Variants in CFAP70 observed in about 807,000 individuals in gnomAD.
The protein encoded by CFAP70 is cilia- and flagella-associated protein 70.
CFAP70 carries 81 observed loss-of-function variants against 137.6 expected under a neutral mutation model. The ratio of observed to expected loss-of-function variants is 0.59; its 90% CI spans 0.49 to 0.71. CFAP70 has a LOEUF of 0.71. CFAP70 is among the 30% of genes least tolerant of loss of function. The pLI is 0.00. For synonymous variants in CFAP70, 382 were observed against 423.6 expected, an observed-to-expected ratio of 0.90 and a Z score of 1.20; for missense variants, 976 against 1,226.7, an observed-to-expected ratio of 0.80 and a Z score of 3.05.
intron 12 of CFAP70, among the ~76,000 whole-genome samples, chr10:73,300,999 G>T (rs1051165364): frequency 1.3e-5 from 2 of 152,196 alleles, no homozygotes; most frequent in Non-Finnish European, 2.9e-5. Context: ...GGGAAAGAAA[G>T]ACAATAAATA....
chr10:73,286,923 T>A (rs2047763019), intron 19 of CFAP70, among the ~76,000 whole-genome samples: 1 of 152,220 alleles, frequency 6.6e-6, no homozygotes, highest in African/African-American at 2.4e-5. Flanking sequence ...AACATGTCCT[T>A]AAGGCACAGA....
intron 25 of CFAP70, among the ~76,000 whole-genome samples, chr10:73,265,238 T>C (rs1348545753): frequency 6.7e-6 from 1 of 149,612 alleles, no homozygotes; most frequent in Non-Finnish European, 1.5e-5. Context: ...GGCAGGAGAA[T>C]GGTGAACCTG....
intron 15 of CFAP70, 54 bp from the exon 17 acceptor site, chr10:73,293,442 A>G: frequency 1.4e-6 from 2 of 1,468,622 alleles, no homozygotes; most frequent in African/African-American, 2.9e-5. Flanking sequence ...ACAAGTAGAG[A>G]GGTTTCATAA....
At position 73,299,793 on chromosome 10, in the gene CFAP70, T is replaced by C. The variant is rs543533053; in HGVS notation, c.1257-128A>G. On this transcript the variant is annotated intron_variant, in intron 12 of 26. Transcript: ENST00000310715. ...TCTGAGGTCTGTTCCCCCACTGCAC[T>C]TGAGCACTGTGCTGTTCTCTCATGT... 9 of 626,554 alleles carry C rather than the reference T, an allele frequency of 1.4e-5. No homozygotes were observed. The African/African-American group carries it at 1.7e-4, about 12-fold the overall frequency. 38.8% of individuals were successfully genotyped at this position (626,554 alleles called of 1,614,324 possible). A position where few individuals can be genotyped will look rare whatever the true frequency, so the allele number is the denominator to read the frequency against.
intron 9 of CFAP70, among the ~76,000 whole-genome samples, chr10:73,321,389 G>A (rs1244596832): frequency 2.0e-5 from 3 of 152,146 alleles, no homozygotes; most frequent in Non-Finnish European, 4.4e-5. Flanking sequence ...TTGCACTCCA[G>A]CTTGGGCAAC....
At position 73,291,659 on chromosome 10, in the gene CFAP70, A is replaced by G. The variant is rs538950478; in HGVS notation, c.2001T>C (p.Val667=). The change falls in exon 18 of 27, where the codon GTT becomes GTC. Residue 667 remains valine, a synonymous_variant. Transcript: ENST00000310715. ...ATCTACCAAGTAAAGTCCAGGCTAC[A>G]ACATTAGTTGGTTCCAAGCAAGTAG... is the stretch of plus-strand genomic sequence containing the variant. The G allele has an allele frequency of 1.4e-5, 22 of 1,613,754 alleles. No individual in the cohort carries two copies. In the African/African-American group the frequency reaches 2.9e-4, roughly 22 times the overall value.
intron 9 of CFAP70, among the ~76,000 whole-genome samples, chr10:73,322,721 A>G (rs1164336040): frequency 6.6e-6 from 1 of 152,038 alleles, no homozygotes; most frequent in Non-Finnish European, 1.5e-5. Context: ...GTACCACACA[A>G]TTTGTTTTTC....
chr10:73,299,020 C>T, exon 14 of CFAP70: 2 of 1,613,908 alleles, frequency 1.2e-6, no homozygotes, highest in South Asian at 2.2e-5. Context: ...AGTTTGGCCA[C>T]CTGTTTTCCA....
chr10:73,342,872 C>T (rs919761355), intron 5 of CFAP70, among the ~76,000 whole-genome samples: 6 of 151,726 alleles, frequency 4.0e-5, no homozygotes, highest in Admixed American at 1.3e-4. Flanking sequence ...GTCAGGAGTT[C>T]GAGACCATCC....
chr10:73,287,822 AG>A (rs554702304), intron 19 of CFAP70, among the ~76,000 whole-genome samples: 35 of 152,178 alleles, frequency 2.3e-4, no homozygotes, highest in East Asian at 7.7e-4. Flanking sequence ...AAATATCTCT[AG>A]GGGGGAAAAA....
intron 7 of CFAP70, among the ~76,000 whole-genome samples, chr10:73,334,736 T>C (rs2052467051): frequency 1.3e-5 from 2 of 151,834 alleles, no homozygotes; most frequent in African/African-American, 2.4e-5. Flanking sequence ...AGCACCACCA[T>C]GCCCAGCTAA....
At chr10:73,301,157 A>G (rs2048923581) in intron 12 of CFAP70, among the ~76,000 whole-genome samples, 1 of 152,210 alleles carries the variant, frequency 6.6e-6, no homozygotes, top group African/African-American at 2.4e-5. Context: ...TTAACGTTTG[A>G]GTAAAGACCT....
chr10:73,348,651 C>A, intron 3 of CFAP70, 130 bp from the exon 4 acceptor site: 2 of 608,340 alleles, frequency 3.3e-6, no homozygotes, highest in Non-Finnish European at 2.7e-6. Context: ...CAGAAGGCAC[C>A]AACATCACTG....
intron 23 of CFAP70, among the ~76,000 whole-genome samples, chr10:73,273,986 T>A (rs535667656): frequency 6.6e-6 from 1 of 152,274 alleles, no homozygotes; most frequent in Admixed American, 6.5e-5. Flanking sequence ...TTTCCCAAAA[T>A]ATGGGGAGGG....
chr10:73,280,115 C>A (rs534591081), intron 19 of CFAP70, among the ~76,000 whole-genome samples: 32 of 151,972 alleles, frequency 2.1e-4, no homozygotes, highest in Non-Finnish European at 4.3e-4. Context: ...ATCTTACAAC[C>A]CTGCTTAAAT....
chr10:73,332,597 C>T (rs942714423), intron 7 of CFAP70, among the ~76,000 whole-genome samples: 4 of 152,142 alleles, frequency 2.6e-5, no homozygotes, highest in African/African-American at 9.7e-5. Flanking sequence ...TTCTCCCCGA[C>T]AATTTGCCAC....
intron 10 of CFAP70, 51 bp from the exon 12 acceptor site, chr10:73,311,965 T>C (rs1283150946): frequency 1.5e-6 from 2 of 1,358,334 alleles, no homozygotes; most frequent in Non-Finnish European, 2.1e-6. Context: ...ACAGTCTTCA[T>C]AGTGACAAGA....
chr10:73,335,156 G>A (rs2052525484), intron 7 of CFAP70, among the ~76,000 whole-genome samples: 1 of 146,512 alleles, frequency 6.8e-6, no homozygotes, highest in African/African-American at 2.5e-5. Flanking sequence ...GCCTCCCAAA[G>A]TGCTGGCATT....
chr10:73,287,869 A>ATCTG (rs2047859984), intron 19 of CFAP70, among the ~76,000 whole-genome samples: 1 of 151,644 alleles, frequency 6.6e-6, no homozygotes, highest in African/African-American at 2.4e-5. Context: ...CTATCTATCT[A>ATCTG]TCTATCTATC....
Sources: allele counts gnomAD v4.1 joint callset (sites outside exome capture counted in the v4.1 genomes callset), GRCh38; gene constraint gnomAD v4.1.1; transcripts MANE v1.5; gene names NCBI Gene and HGNC (gene_info 2026-07-23, HGNC 2026-07-21).